Variants in TTI2 observed in about 807,000 individuals in gnomAD.
The protein encoded by TTI2 is TELO2-interacting protein 2.
Under a neutral mutation model 44.9 loss-of-function variants are expected in TTI2, and 26 were observed. The ratio of observed to expected loss-of-function variants is 0.58; its 90% CI spans 0.42 to 0.80. The LOEUF (loss-of-function observed/expected upper bound fraction) is 0.80, where lower values mean the gene tolerates loss of function less well. Among genes scored for constraint, TTI2 ranks in the 30% least tolerant of loss-of-function variants. TTI2 has a pLI of 0.00. For missense variants in TTI2, 582 were observed against 611.6 expected (o/e 0.95, Z 0.51); for synonymous variants, 254 against 250.9 (o/e 1.01, Z -0.12).
At chr8:33,500,273 G>A (rs1809017940) in intron 7 of TTI2, 55 bp downstream of exon 7, 1 of 1,601,862 alleles carries the variant, frequency 6.2e-7, no homozygotes, top group South Asian at 1.1e-5. Context: ...ATCAATCATG[G>A]GAATTACATA....
Position 33,503,345 on chromosome 8 carries a change from A to G in TTI2, c.1259+84T>C, listed in dbSNP as rs918971009. 4.4e-6 allele frequency: 7 copies of G among 1,580,896 alleles called. No individual in the cohort carries two copies. In the African/African-American group the frequency reaches 9.4e-5, roughly 21 times the overall value. Reference sequence around the variant, plus strand: ...TTCAAATACATAGTATACATTTAATACTTTGTACTGAATGTATTAAATACA... The same window carrying G: ...TTCAAATACATAGTATACATTTAATGCTTTGTACTGAATGTATTAAATACA... On this transcript the variant is annotated intron_variant, in intron 6 of 7. Transcript: ENST00000431156.
chr8:33,508,087 T>TAAAAAAAAAAAAAA lies in TTI2; in HGVS notation c.835-780_835-767dup, dbSNP rs58891946. ...ACAAAGAAAATGTGGCTAGCGGTAG[T>TAAAAAAAAAAAAAA]AAAAAAAAAAAAAAAAAAAAAAAAA... On this transcript the variant is annotated intron_variant, in intron 3 of 7. Coordinates refer to ENST00000431156, the MANE Select transcript of TTI2 (RefSeq NM_001102401.4). 2.1e-4 allele frequency among the ~76,000 whole-genome samples: 4 copies of TAAAAAAAAAAAAAA among 19,512 alleles called. 1 individual carries two copies. Among genetic ancestry groups the TAAAAAAAAAAAAAA allele is most frequent in the Non-Finnish European group, 1.8e-4 (2 of 11,384 alleles). 12.8% of individuals were successfully genotyped at this position (19,512 alleles called of 152,430 possible).
intron 7 of TTI2, chr8:33,500,019 G>T: frequency 4.7e-6 from 1 of 213,662 alleles, no homozygotes; most frequent in Non-Finnish European, 9.4e-6. Context: ...TAATTCAGAA[G>T]ACTAGAACAG....
chr8:33,501,913 C>T (rs998095357), intron 6 of TTI2, among the ~76,000 whole-genome samples: 1 of 152,078 alleles, frequency 6.6e-6, no homozygotes, highest in African/African-American at 2.4e-5. Flanking sequence ...CAAGTATATC[C>T]TACATTAGTA....
At chr8:33,504,295 T>TTTTTA in intron 4 of TTI2, among the ~76,000 whole-genome samples, 1 of 125,710 alleles carries the variant, frequency 8.0e-6, no homozygotes, top group Admixed American at 7.8e-5. Context: ...ACACATTTTT[T>TTTTTA]TTTTTTTTTT....
intron 4 of TTI2, 103 bp from the exon 5 acceptor site, chr8:33,504,038 A>C: frequency 8.3e-7 from 1 of 1,202,448 alleles, no homozygotes; most frequent in South Asian, 1.3e-5. Flanking sequence ...CTTAGGGTCC[A>C]TACCAGAGAA....
At chr8:33,509,632 G>T (rs1038024331) in intron 3 of TTI2, 114 bp downstream of exon 3, 2 of 1,052,200 alleles carry the variant, frequency 1.9e-6, no homozygotes, top group Non-Finnish European at 2.9e-6. Context: ...AAAAATATAA[G>T]GAGAAAATAC....
intron 6 of TTI2, chr8:33,500,773 G>A: frequency 3.0e-6 from 1 of 338,172 alleles, no homozygotes; most frequent in Non-Finnish European, 5.5e-6. Flanking sequence ...CTCCTTCATG[G>A]GCTGAGAAGG....
chr8:33,512,442 G>C lies in TTI2; in HGVS notation c.172C>G (p.Leu58Val). ...KDAVLKDLGD[L>V]IEATEFDRLF... ...CTATCAAATTCTGTGGCTTCTATTA[G>C]ATCACCGAGGTCTTTAAGAACTGCA... Residue 58 changes from leucine (L) to valine (V), a missense_variant, in exon 2 of 8, where the codon CTA becomes GTA. Transcript: ENST00000431156. The C allele has an allele frequency of 1.2e-6, 2 of 1,614,074 alleles. No homozygotes were observed. The highest frequency in any genetic ancestry group is 1.7e-6 in the Non-Finnish European group (2 of 1,179,954).
Position 33,509,865 on chromosome 8 carries a change from G to A in TTI2, c.715C>T (p.Pro239Ser), listed in dbSNP as rs1809456255. The A allele has an allele frequency of 1.2e-6, 2 of 1,613,916 alleles. No homozygotes were observed. Among genetic ancestry groups the A allele is most frequent in the Non-Finnish European group, 8.5e-7 (1 of 1,179,996 alleles). ...CTTTCCAGATGCTGGCTCAGCCAGGGCCGAGTGACCTGTTGCAGAGTCCAT... is the reference window on the plus strand; with the variant it reads ...CTTTCCAGATGCTGGCTCAGCCAGGACCGAGTGACCTGTTGCAGAGTCCAT... ...FSWTLQQVTRPWLSQHLERVL... is the reference protein window; with the variant it reads ...FSWTLQQVTRSWLSQHLERVL... Residue 239 changes from proline to serine, a missense_variant, in exon 3 of 8, where the codon CCC (proline) becomes TCC (serine). By Grantham distance (74) the Pro-to-Ser change is moderately conservative. Transcript: ENST00000431156.
chr8:33,507,304 G>A lies in TTI2; in HGVS notation c.852C>T (p.Leu284=). 6.2e-7 allele frequency: 1 copy of A among 1,614,162 alleles called. No homozygotes were observed. Among genetic ancestry groups the A allele is most frequent in the Non-Finnish European group, 8.5e-7 (1 of 1,180,004 alleles). The change falls in exon 4 of 8, where the codon CTC becomes CTT. Residue 284 remains leucine, a synonymous_variant. Coordinates refer to ENST00000431156, the MANE Select transcript of TTI2 (RefSeq NM_001102401.4). The part of the protein sequence containing the change: ...IVLNVPAADL[L]QYNRAQVLYH... ...ATAGGACCTGGGCTCTGTTATACTG[G>A]AGCAAATCAGCAGCTGGCTGCAACC... is the stretch of plus-strand genomic sequence containing the variant.
chr8:33,503,110 C>G (rs1178917523), intron 6 of TTI2, among the ~76,000 whole-genome samples: 1 of 131,726 alleles, frequency 7.6e-6, no homozygotes, highest in Non-Finnish European at 1.5e-5. Context: ...GCCTGGGCGA[C>G]AGTGTGAGAC....
chr8:33,509,993 A>C (rs1809466787), intron 2 of TTI2, 61 bp from the exon 3 acceptor site: 15 of 1,353,968 alleles, frequency 1.1e-5, no homozygotes, highest in Non-Finnish European at 1.5e-5. Context: ...AAAAAAAAAA[A>C]AAAAAACTAC....
At chr8:33,499,305 A>ATTT in intron 7 of TTI2, 28 bp from the exon 8 acceptor site, 1 of 1,501,084 alleles carries the variant, frequency 6.7e-7, no homozygotes, top group African/African-American at 1.4e-5. Context: ...ACAGGCTTTG[A>ATTT]TATTTTTTTT....
At chr8:33,511,699 C>T (rs1385486188) in intron 2 of TTI2, among the ~76,000 whole-genome samples, 1 of 151,948 alleles carries the variant, frequency 6.6e-6, no homozygotes, top group African/African-American at 2.4e-5. Flanking sequence ...ACCAGCCTGG[C>T]CAACATGGTG....
chr8:33,503,957 A>C (rs1481322342), intron 4 of TTI2, 22 bp from the exon 5 acceptor site: 2 of 1,612,676 alleles, frequency 1.2e-6, no homozygotes, highest in African/African-American at 2.7e-5. Flanking sequence ...GAATGGAAGG[A>C]CGGTGCATAG....
At position 33,509,893 on chromosome 8, in the gene TTI2, G is replaced by C. The variant is rs1038077253; in HGVS notation, c.687C>G (p.Phe229Leu). ...WKNNPAIKHV[F>L]SWTLQQVTRP... The stretch of plus-strand genomic sequence containing the variant: ...GAGTGACCTGTTGCAGAGTCCATGA[G>C]AAAACATGTTTGATGGCAGGGTTAT... The change falls in exon 3 of 8, where the codon TTC becomes TTG. Residue 229 changes from phenylalanine to leucine, a missense_variant. Phe to Leu is a conservative substitution (Grantham distance 22). Coordinates refer to ENST00000431156, the MANE Select transcript of TTI2 (RefSeq NM_001102401.4). 6.5e-7 allele frequency: 1 copy of C among 1,538,172 alleles called. No homozygotes were observed. Among genetic ancestry groups the C allele is most frequent in the African/African-American group, 1.4e-5 (1 of 70,128 alleles).
chr8:33,512,197 C>A lies in TTI2; in HGVS notation c.417G>T (p.Trp139Cys). Reference protein sequence around the residue: ...TAKNSLVGPAWQTGLHHLAGP... With the variant: ...TAKNSLVGPACQTGLHHLAGP... The stretch of plus-strand genomic sequence containing the variant: ...CTGCCAAGTGATGCAGGCCCGTCTG[C>A]CATGCAGGGCCGACCAGGGAATTCT... The change falls in exon 2 of 8, where the codon TGG becomes TGT. Residue 139 changes from tryptophan to cysteine, a missense_variant. Physicochemically the swap from Trp to Cys is radical, Grantham distance 215. Coordinates refer to ENST00000431156, the MANE Select transcript of TTI2 (RefSeq NM_001102401.4). 3.7e-6 allele frequency: 6 copies of A among 1,614,164 alleles called. No individual in the cohort carries two copies. The highest frequency in any genetic ancestry group is 5.1e-6 in the Non-Finnish European group (6 of 1,180,038).
chr8:33,510,818 C>A (rs1481572424), intron 2 of TTI2, among the ~76,000 whole-genome samples: 2 of 152,152 alleles, frequency 1.3e-5, no homozygotes, highest in African/African-American at 4.8e-5. Context: ...GTTACAGATA[C>A]TTTTTCTCTC....
Sources: gnomAD v4.1 joint callset for allele counts (sites outside exome capture counted in the v4.1 genomes callset) on GRCh38, gnomAD v4.1.1 for gene constraint, MANE v1.5 for transcripts, NCBI Gene and HGNC (gene_info 2026-07-23, HGNC 2026-07-21) for gene names.